Variants in SH3YL1 observed in about 807,000 individuals in gnomAD.
SH3YL1 encodes the protein SH3 and SYLF domain containing 1, also known as SH3 domain-containing YSC84-like protein 1.
In SH3YL1, 41 loss-of-function variants were observed where a neutral mutation model predicts 45.8. The ratio of observed to expected loss-of-function variants is 0.89; its 90% CI spans 0.70 to 1.16. The LOEUF is 1.16. Among genes scored for constraint, SH3YL1 ranks in the 50% most tolerant of loss-of-function variants. The pLI is 0.00. For missense variants in SH3YL1, 389 were observed against 409.6 expected (o/e 0.95, Z 0.43); for synonymous variants, 152 against 151.4 (o/e 1.00, Z -0.03).
chr2:221,706 T>C (rs558177042), intron 9 of SH3YL1, among the ~76,000 whole-genome samples: 14 of 152,294 alleles, frequency 9.2e-5, no homozygotes, highest in African/African-American at 2.9e-4. Context: ...CCTCACCCAA[T>C]TGACCACAAA....
intron 1 of SH3YL1, among the ~76,000 whole-genome samples, chr2:262,960 G>A (rs891122935): frequency 6.6e-6 from 1 of 152,214 alleles, no homozygotes; most frequent in Admixed American, 6.5e-5. Context: ...ACAGGATGGA[G>A]GTTATCACTT....
At chr2:231,944 T>TG (rs1425274781) in intron 6 of SH3YL1, among the ~76,000 whole-genome samples, 2 of 152,174 alleles carry the variant, frequency 1.3e-5, no homozygotes, top group Non-Finnish European at 2.9e-5. Flanking sequence ...AATGACTCGG[T>TG]GGGGTAAACA....
intron 8 of SH3YL1, 148 bp downstream of exon 8, chr2:229,818 T>C: frequency 3.7e-6 from 2 of 545,158 alleles, no homozygotes; most frequent in East Asian, 3.0e-5. Flanking sequence ...CTCATGTATT[T>C]AGAAGAGGCT....
chr2:258,411 T>G (rs1180493043), intron 1 of SH3YL1, among the ~76,000 whole-genome samples: 1 of 152,216 alleles, frequency 6.6e-6, no homozygotes, highest in African/African-American at 2.4e-5. Context: ...TCTTTTTGTG[T>G]AAAATAGGTG....
chr2:253,793 T>C (rs1669185537), intron 1 of SH3YL1, among the ~76,000 whole-genome samples: 1 of 152,194 alleles, frequency 6.6e-6, no homozygotes, highest in African/African-American at 2.4e-5. Flanking sequence ...CCAAGAACCC[T>C]TTCTTGGGGT....
At chr2:264,220 A>C, upstream of SH3YL1, 1 of 512,670 alleles carries the variant, frequency 2.0e-6, no homozygotes, top group Non-Finnish European at 3.2e-6. Context: ...CAAGATCGAA[A>C]AGCCCAGAGC....
intron 9 of SH3YL1, among the ~76,000 whole-genome samples, chr2:224,192 A>C (rs1474052): frequency 0.32 from 48,738 of 152,030 alleles, 8,214 homozygotes; most frequent in East Asian, 0.59. Context: ...CAATTTGTGT[A>C]CCACTCACAT....
chr2:221,515 T>C (rs1001011195), intron 9 of SH3YL1, among the ~76,000 whole-genome samples: 1 of 152,204 alleles, frequency 6.6e-6, no homozygotes, highest in Non-Finnish European at 1.5e-5. Context: ...TTTCTCTGAA[T>C]TGCAGATTCC....
chr2:246,639 G>GA (rs1668826054), intron 4 of SH3YL1, among the ~76,000 whole-genome samples: 1 of 150,528 alleles, frequency 6.6e-6, no homozygotes, highest in Admixed American at 6.6e-5. Flanking sequence ...GAAGGGGAGG[G>GA]AAGCCACAAT....
At chr2:242,702 CAG>C (rs1276881959) in intron 4 of SH3YL1, 28 of 1,368,906 alleles carry the variant, frequency 2.0e-5, no homozygotes, top group Non-Finnish European at 2.4e-5. Context: ...AATAAAAAGG[CAG>C]AGATTATTAG....
At chr2:242,674 G>C in intron 4 of SH3YL1, 1 of 1,257,852 alleles carries the variant, frequency 8.0e-7, no homozygotes, top group East Asian at 3.0e-5. Context: ...TATTAAATGT[G>C]AATGAATTAA....
chr2:241,222 A>G (rs1199782650), intron 4 of SH3YL1: 2 of 152,202 alleles, frequency 1.3e-5, no homozygotes, highest in Non-Finnish European at 2.9e-5. Flanking sequence ...ATAAAATTAT[A>G]TAAAAGAACC....
chr2:231,689 T>C (rs561135270), intron 6 of SH3YL1, among the ~76,000 whole-genome samples: 8 of 152,302 alleles, frequency 5.3e-5, no homozygotes, highest in African/African-American at 1.9e-4. Context: ...AGCAACATAT[T>C]TGTTTTAGTT....
chr2:241,441 T>C (rs1051894592), intron 4 of SH3YL1: 10 of 152,074 alleles, frequency 6.6e-5, no homozygotes, highest in African/African-American at 2.4e-4. Flanking sequence ...ATGTGTGATG[T>C]AAGTACTAGA....
At chr2:262,541 A>C (rs1669626064) in intron 1 of SH3YL1, 1 of 1,290,500 alleles carries the variant, frequency 7.7e-7, no homozygotes, top group Non-Finnish European at 1.0e-6. Flanking sequence ...TAGAGTAAAA[A>C]ATGGGATCTT....
chr2:234,055 G>T (rs1558238731), intron 5 of SH3YL1, 105 bp downstream of exon 5: 12 of 814,082 alleles, frequency 1.5e-5, no homozygotes, highest in East Asian at 2.5e-5. Flanking sequence ...GTATAAATCT[G>T]GGGATGTACA....
intron 4 of SH3YL1, among the ~76,000 whole-genome samples, chr2:245,030 T>C (rs1668730141): frequency 6.6e-6 from 1 of 152,152 alleles, no homozygotes; most frequent in Non-Finnish European, 1.5e-5. Context: ...GGATACCCCA[T>C]GCTCCCGTTC....
At chr2:249,953 C>A (rs917434611) in intron 2 of SH3YL1, 109 bp from the exon 3 acceptor site, 1 of 737,076 alleles carries the variant, frequency 1.4e-6, no homozygotes. Context: ...TCTAGGAATT[C>A]GGGGCACACA....
intron 2 of SH3YL1, among the ~76,000 whole-genome samples, chr2:252,238 A>G (rs2103050748): frequency 6.6e-6 from 1 of 152,334 alleles, no homozygotes; most frequent in East Asian, 1.9e-4. Flanking sequence ...TGTGTTAGGA[A>G]TTACTGATTA....
Sources: gnomAD v4.1 joint callset for allele counts (sites outside exome capture counted in the v4.1 genomes callset) on GRCh38, gnomAD v4.1.1 for gene constraint, MANE v1.5 for transcripts, NCBI Gene and HGNC (gene_info 2026-07-23, HGNC 2026-07-21) for gene names.